LMBR1: variants seen among roughly 807,000 people sequenced by gnomAD.
The protein encoded by LMBR1 is limb region 1 protein homolog.
In LMBR1, 52 loss-of-function variants were observed where a neutral mutation model predicts 73.9. The observed-to-expected ratio is 0.70, with a 90% confidence interval of 0.56 to 0.89. The LOEUF (loss-of-function observed/expected upper bound fraction) is 0.89. LMBR1 is among the 40% of genes least tolerant of loss of function. LMBR1 has a pLI of 0.00. For synonymous variants in LMBR1, 215 were observed against 209.4 expected (o/e 1.03, Z -0.23); for missense variants, 539 against 579.8 (o/e 0.93, Z 0.72).
In LMBR1 at chr7:156,707,374, T is replaced by G. The variant is rs147971640; in HGVS notation, c.1225+16738A>C. Among the ~76,000 whole-genome samples, 194 of 152,314 alleles carry G rather than the reference T, an allele frequency of 1.3e-3. 2 individuals carry two copies. Among genetic ancestry groups the G allele is most frequent in the African/African-American group, 4.6e-3 (191 of 41,582 alleles). ...AAACTGAGGCGGAGGGAATTCTTCC[T>G]AAGTCATTCTATGAGGCCCAAATCA... is the stretch of plus-strand genomic sequence containing the variant. On this transcript the variant is annotated intron_variant, in intron 15 of 16. Coordinates refer to ENST00000353442, the MANE Select transcript of LMBR1 (RefSeq NM_022458.4).
chr7:156,688,752 C>T (rs1044290539), intron 15 of LMBR1, among the ~76,000 whole-genome samples: 4 of 152,090 alleles, frequency 2.6e-5, no homozygotes, highest in Admixed American at 6.5e-5. Context: ...ATACTAATTA[C>T]GAGTCTTCAC....
chr7:156,838,412 G>A (rs1838048483), intron 1 of LMBR1, among the ~76,000 whole-genome samples: 1 of 152,036 alleles, frequency 6.6e-6, no homozygotes, highest in Admixed American at 6.6e-5. Flanking sequence ...TCTACTCACT[G>A]TTTCCAAAAG....
At chr7:156,779,662 C>T in intron 5 of LMBR1, 1 of 1,278,100 alleles carries the variant, frequency 7.8e-7, no homozygotes, top group Non-Finnish European at 1.0e-6. Context: ...TACAAAAGCT[C>T]TATGGAGAAG....
chr7:156,675,675 C>A, downstream of LMBR1: 3 of 1,589,402 alleles, frequency 1.9e-6, no homozygotes, highest in Non-Finnish European at 1.7e-6. Context: ...GTGAGCTTAC[C>A]CGCCCCCGCC....
At chr7:156,804,383 C>T (rs1012157273) in intron 4 of LMBR1, among the ~76,000 whole-genome samples, 2 of 152,102 alleles carry the variant, frequency 1.3e-5, no homozygotes, top group Non-Finnish European at 2.9e-5. Flanking sequence ...TAGACCTATG[C>T]GATCATTTCT....
chr7:156,851,570 G>C (rs551353351), intron 1 of LMBR1, among the ~76,000 whole-genome samples: 15 of 152,142 alleles, frequency 9.9e-5, no homozygotes, highest in Admixed American at 9.8e-4. Flanking sequence ...CTGGTTTCTT[G>C]AGGAGATGGT....
chr7:156,688,588 T>G (rs1806465436), intron 15 of LMBR1, among the ~76,000 whole-genome samples: 1 of 151,962 alleles, frequency 6.6e-6, no homozygotes, highest in Non-Finnish European at 1.5e-5. Context: ...ATGAAAAAGA[T>G]GCCTGAGAAC....
At chr7:156,817,508 GAGAGAGACAGAGACAGAC>G (rs1489460264) in intron 4 of LMBR1, among the ~76,000 whole-genome samples, 96 of 67,162 alleles carry the variant, frequency 1.4e-3, no homozygotes, top group African/African-American at 4.2e-3. Context: ...GAGAGAGAGA[GAGAGAGACAGAGACAGAC>G]AGAGAGACAG....
chr7:156,716,675 T>C (rs1396963359), intron 15 of LMBR1, among the ~76,000 whole-genome samples: 1 of 152,212 alleles, frequency 6.6e-6, no homozygotes, highest in African/African-American at 2.4e-5. Context: ...TCTTTCTCTA[T>C]CCTTCTCAAA....
At chr7:156,837,045 T>A (rs1190068055) in intron 1 of LMBR1, among the ~76,000 whole-genome samples, 160 bp from the exon 2 acceptor site, 4 of 152,044 alleles carry the variant, frequency 2.6e-5, no homozygotes, top group Non-Finnish European at 2.9e-5. Flanking sequence ...AAACATAGGC[T>A]GGGCATGGTG....
chr7:156,887,009 C>T (rs73167963), intron 1 of LMBR1, among the ~76,000 whole-genome samples: 15,153 of 152,140 alleles, frequency 0.1, 856 homozygotes, highest in African/African-American at 0.13. Flanking sequence ...ACTCAGTTAG[C>T]TGGCAGCCTT....
rs11540622 is a variant in LMBR1 at position 156,688,154 on chromosome 7, C to A, written c.1263G>T (p.Arg421Ser). 5.0e-6 allele frequency: 8 copies of A among 1,607,450 alleles called. No individual in the cohort carries two copies. Among genetic ancestry groups the A allele is most frequent in the Non-Finnish European group, 6.8e-6 (8 of 1,177,920 alleles). Reference sequence around the variant, plus strand: ...TATAGAAATTTCCCAGCCAATTAAACCTTCCAAAGTCGCCAAGTAGATCAA... The same window carrying A: ...TATAGAAATTTCCCAGCCAATTAAAACTTCCAAAGTCGCCAAGTAGATCAA... ...TRFDLLGDFG[R>S]FNWLGNFYIV... The change falls in exon 16 of 17, where the codon AGG (arginine) becomes AGT (serine). Residue 421 changes from arginine (R) to serine (S), a missense_variant. Coordinates refer to ENST00000353442, the MANE Select transcript of LMBR1 (RefSeq NM_022458.4).
chr7:156,705,611 A>G lies in LMBR1; in HGVS notation c.1226-17420T>C, dbSNP rs1261167661. Among the ~76,000 whole-genome samples, 3 of 152,228 alleles carry G rather than the reference A, an allele frequency of 2.0e-5. No homozygotes were observed. In the East Asian group the frequency reaches 5.8e-4, roughly 29 times the overall value. ...AAGAATTCTATTTTCAGAAAAATTA[A>G]GCTTCATACATGAAGGAGAGATAAA... On this transcript the variant is annotated intron_variant, in intron 15 of 16. Transcript: ENST00000353442.
chr7:156,887,257 G>A (rs1198833770), intron 1 of LMBR1, among the ~76,000 whole-genome samples: 3 of 152,132 alleles, frequency 2.0e-5, no homozygotes, highest in Non-Finnish European at 4.4e-5. Context: ...GAGGTCAAGA[G>A]ATTGAGACCA....
chr7:156,715,204 G>A (rs539280387), intron 15 of LMBR1, among the ~76,000 whole-genome samples: 65 of 152,084 alleles, frequency 4.3e-4, no homozygotes, highest in Admixed American at 2.8e-3. Flanking sequence ...TGCCCGCTTC[G>A]GCCTCCCAAA....
intron 15 of LMBR1, among the ~76,000 whole-genome samples, chr7:156,704,870 G>C (rs1438638425): frequency 6.6e-6 from 1 of 151,384 alleles, no homozygotes; most frequent in Non-Finnish European, 1.5e-5. Flanking sequence ...GAACGTGAAA[G>C]ACAGGTCTTT....
downstream of LMBR1, among the ~76,000 whole-genome samples, chr7:156,675,056 G>GT (rs1398740496): frequency 6.6e-6 from 1 of 152,216 alleles, no homozygotes; most frequent in African/African-American, 2.4e-5. Context: ...GATTTACTTA[G>GT]TAAGTCCCAT....
At chr7:156,873,228 G>A (rs1799597996) in intron 1 of LMBR1, among the ~76,000 whole-genome samples, 1 of 152,014 alleles carries the variant, frequency 6.6e-6, no homozygotes, top group East Asian at 1.9e-4. Context: ...GGTCTCGCTG[G>A]CTCAGGAGTG....
intron 4 of LMBR1, chr7:156,822,695 TAAC>T (rs1834986630): frequency 1.3e-5 from 2 of 151,310 alleles, no homozygotes; most frequent in Admixed American, 1.3e-4. Context: ...AAAAGCAAAA[TAAC>T]AATCAGAAAA....
Sources: gnomAD v4.1 joint callset for allele counts (sites outside exome capture counted in the v4.1 genomes callset) on GRCh38, gnomAD v4.1.1 for gene constraint, MANE v1.5 for transcripts, NCBI Gene and HGNC (gene_info 2026-07-23, HGNC 2026-07-21) for gene names.